TFPI: variants seen among roughly 807,000 people sequenced by gnomAD.
The protein encoded by TFPI is tissue factor pathway inhibitor, also known as anti-convertin.
A neutral mutation model predicts 34.6 loss-of-function variants in TFPI; 15 were observed. The observed-to-expected ratio is 0.43, with a 90% CI of 0.29 to 0.67. The LOEUF (loss-of-function observed/expected upper bound fraction) is 0.67. Among genes scored for constraint, TFPI ranks in the 30% least tolerant of loss-of-function variants. The probability of loss-of-function intolerance (pLI) is 0.15; values close to 1 mark genes in which losing one functional copy is unlikely to be tolerated. For missense variants in TFPI, 301 were observed against 364.0 expected, an observed-to-expected ratio of 0.83 and a Z score of 1.41; for synonymous variants, 105 against 120.1, an observed-to-expected ratio of 0.87 and a Z score of 0.82.
chr2:187,493,333 C>T (rs976324190), intron 3 of TFPI, among the ~76,000 whole-genome samples: 2 of 152,116 alleles, frequency 1.3e-5, no homozygotes, highest in African/African-American at 4.8e-5. Flanking sequence ...GGACACAGGG[C>T]ACGAAGTCCC....
intron 1 of TFPI, among the ~76,000 whole-genome samples, chr2:187,511,175 G>A (rs1040760662): frequency 6.6e-6 from 1 of 152,162 alleles, no homozygotes; most frequent in African/African-American, 2.4e-5. Context: ...GCTGAACACC[G>A]GGAAAGAACT....
chr2:187,516,216 G>C (rs1160622594), intron 1 of TFPI: 2 of 152,156 alleles, frequency 1.3e-5, no homozygotes, highest in Non-Finnish European at 2.9e-5. Context: ...GTAGTCTGTG[G>C]AAAATTTAAC....
chr2:187,471,972 GT>G (rs8176573), intron 6 of TFPI, among the ~76,000 whole-genome samples: 8 of 151,426 alleles, frequency 5.3e-5, no homozygotes, highest in African/African-American at 1.7e-4. Flanking sequence ...CTTTTTTAAA[GT>G]TTTTTTCTCT....
chr2:187,493,004 T>C (rs1274165844), intron 3 of TFPI, among the ~76,000 whole-genome samples: 1 of 152,110 alleles, frequency 6.6e-6, no homozygotes, highest in African/African-American at 2.4e-5. Flanking sequence ...GTATGGTGGC[T>C]TTCTTCTCAC....
rs1415497901 is a variant in TFPI at position 187,519,731 on chromosome 2, T to A, written c.-2-15961A>T. On this transcript the variant is annotated intron_variant, in intron 1 of 7. Transcript: ENST00000233156. ...GGCAGGCAGGTACATTTAAGTCTGC[T>A]GAAGCTGAGCCCACAGCCTCCCCTT... 6 of 152,482 alleles carry A rather than the reference T, an allele frequency of 3.9e-5. No homozygotes were observed. The East Asian group carries it at 1.2e-3, about 29-fold the overall frequency. 9.4% of individuals were successfully genotyped at this position (152,482 alleles called of 1,614,324 possible). A position where few individuals can be genotyped will look rare whatever the true frequency, so the allele number is the denominator to read the frequency against.
intron 6 of TFPI, among the ~76,000 whole-genome samples, chr2:187,474,615 T>C (rs749626974): frequency 3.3e-5 from 5 of 152,108 alleles, no homozygotes; most frequent in African/African-American, 7.2e-5. Context: ...GAGAAGAATA[T>C]AAAATTACCA....
chr2:187,549,735 A>C (rs1689026391), intron 1 of TFPI, among the ~76,000 whole-genome samples: 1 of 152,138 alleles, frequency 6.6e-6, no homozygotes, highest in Non-Finnish European at 1.5e-5. Context: ...GCAAACTAAA[A>C]GTTACAGGCT....
chr2:187,504,473 G>A (rs1459684789), intron 1 of TFPI, among the ~76,000 whole-genome samples: 1 of 151,112 alleles, frequency 6.6e-6, no homozygotes, highest in Admixed American at 6.6e-5. Context: ...TAAGTGATAA[G>A]CCATCACTCT....
intron 6 of TFPI, among the ~76,000 whole-genome samples, chr2:187,470,655 T>TG (rs1410328425): frequency 6.6e-6 from 1 of 152,170 alleles, no homozygotes; most frequent in African/African-American, 2.4e-5. Flanking sequence ...ACCAAATCCT[T>TG]TCAGAAGCCA....
chr2:187,475,628 A>G (rs1420494039), intron 6 of TFPI, among the ~76,000 whole-genome samples: 1 of 152,162 alleles, frequency 6.6e-6, no homozygotes, highest in African/African-American at 2.4e-5. Context: ...CATAGAACAA[A>G]TGAGGAACCT....
intron 1 of TFPI, among the ~76,000 whole-genome samples, chr2:187,506,125 C>T (rs1389486604): frequency 6.6e-6 from 1 of 151,964 alleles, no homozygotes; most frequent in Non-Finnish European, 1.5e-5. Context: ...TGAATCCATG[C>T]ACCAACTTCT....
chr2:187,468,258 GACACACACACACAC>G (rs61019402), intron 6 of TFPI, among the ~76,000 whole-genome samples: 6 of 147,028 alleles, frequency 4.1e-5, no homozygotes, highest in Admixed American at 1.4e-4. Context: ...ATTTCTTACA[GACACACACACACAC>G]ACACACACAC....
chr2:187,524,258 G>A (rs559489983), intron 1 of TFPI, among the ~76,000 whole-genome samples: 1 of 152,000 alleles, frequency 6.6e-6, no homozygotes, highest in South Asian at 2.1e-4. Context: ...TTTCTCTTGG[G>A]TATATAACTC....
At chr2:187,545,916 T>G (rs555050417) in intron 1 of TFPI, among the ~76,000 whole-genome samples, 25 of 152,128 alleles carry the variant, frequency 1.6e-4, no homozygotes, top group African/African-American at 6.0e-4. Context: ...TTATTGCCAA[T>G]TAAGAGAGGA....
At chr2:187,528,575 T>C (rs1687797820) in intron 1 of TFPI, among the ~76,000 whole-genome samples, 1 of 152,172 alleles carries the variant, frequency 6.6e-6, no homozygotes, top group African/African-American at 2.4e-5. Context: ...GTAGATGCCA[T>C]TTTATTACTA....
At chr2:187,539,638 A>G (rs1212177159) in intron 1 of TFPI, among the ~76,000 whole-genome samples, 1 of 152,200 alleles carries the variant, frequency 6.6e-6, no homozygotes, top group Non-Finnish European at 1.5e-5. Flanking sequence ...AGAAGTAGAA[A>G]ATCCCTTCAG....
intron 2 of TFPI, among the ~76,000 whole-genome samples, chr2:187,502,928 C>A (rs1489183765): frequency 1.3e-5 from 2 of 152,128 alleles, no homozygotes; most frequent in East Asian, 1.9e-4. Context: ...ACATCTTAAA[C>A]CACTATACAA....
intron 6 of TFPI, among the ~76,000 whole-genome samples, chr2:187,479,912 T>C (rs993772466): frequency 6.6e-6 from 1 of 151,836 alleles, no homozygotes; most frequent in African/African-American, 2.4e-5. Context: ...TTACTAATCA[T>C]TCAAATTGGA....
intron 3 of TFPI, among the ~76,000 whole-genome samples, chr2:187,490,197 G>T (rs1024592733): frequency 2.0e-5 from 3 of 151,584 alleles, no homozygotes; most frequent in Non-Finnish European, 4.4e-5. Context: ...TGTAAATAAT[G>T]ATATTTTCTT....
Sources: allele counts gnomAD v4.1 joint callset (sites outside exome capture counted in the v4.1 genomes callset), GRCh38; gene constraint gnomAD v4.1.1; transcripts MANE v1.5; gene names NCBI Gene and HGNC (gene_info 2026-07-23, HGNC 2026-07-21).